Variants in LMNB1 observed in about 807,000 individuals in gnomAD.
The protein encoded by LMNB1 is lamin-B1.
LMNB1 carries 23 observed loss-of-function variants against 67.1 expected under a neutral mutation model. That is an observed-to-expected ratio of 0.34 (90% CI 0.25 to 0.49). The LOEUF (loss-of-function observed/expected upper bound fraction) is 0.49, where lower values mean the gene tolerates loss of function less well. Among genes scored for constraint, LMNB1 ranks in the 20% least tolerant of loss-of-function variants. The pLI, the probability that LMNB1 is intolerant of heterozygous loss-of-function variation, is 0.99. For synonymous variants in LMNB1, 281 were observed against 282.9 expected, an observed-to-expected ratio of 0.99 and a Z score of 0.07; for missense variants, 634 against 746.5, an observed-to-expected ratio of 0.85 and a Z score of 1.76.
chr5:126,823,502 T>G (rs1194001848), intron 8 of LMNB1, among the ~76,000 whole-genome samples: 1 of 152,228 alleles, frequency 6.6e-6, no homozygotes, highest in Non-Finnish European at 1.5e-5. Flanking sequence ...AATCAAAGAT[T>G]CTTTTGCTTT....
chr5:126,791,056 TAAATA>T (rs1424593678), intron 1 of LMNB1, among the ~76,000 whole-genome samples: 4 of 152,076 alleles, frequency 2.6e-5, no homozygotes, highest in African/African-American at 7.2e-5. Flanking sequence ...AACAAATAAA[TAAATA>T]AAATGAAGAC....
At chr5:126,806,812 C>T (rs1032455982) in intron 3 of LMNB1, among the ~76,000 whole-genome samples, 3 of 151,594 alleles carry the variant, frequency 2.0e-5, no homozygotes, top group Non-Finnish European at 2.9e-5. Flanking sequence ...GAGACCCGCT[C>T]TGTCGCCCAG....
Position 126,836,384 on chromosome 5 carries a change from C to A in LMNB1, c.*120C>A. 1.4e-6 allele frequency: 1 copy of A among 704,808 alleles called. No individual in the cohort carries two copies. Among genetic ancestry groups the A allele is most frequent in the Non-Finnish European group, 2.4e-6 (1 of 412,608 alleles). 43.7% of individuals were successfully genotyped at this position (704,808 alleles called of 1,614,324 possible). A position where few individuals can be genotyped will look rare whatever the true frequency, so the allele number is the denominator to read the frequency against. On this transcript the variant is annotated 3_prime_UTR_variant, in exon 11 of 11. Transcript: ENST00000261366. ...TTCCTTTATGTGAATTTTTAAGCTG[C>A]AAATCTGATGGCCTTAATTTCCTTT...
intron 1 of LMNB1, among the ~76,000 whole-genome samples, chr5:126,778,493 G>T (rs1227393289): frequency 1.3e-5 from 2 of 152,212 alleles, no homozygotes; most frequent in East Asian, 1.9e-4. Context: ...GCTTTAGGCG[G>T]GAGAGAGAGG....
intron 9 of LMNB1, among the ~76,000 whole-genome samples, chr5:126,828,905 C>T (rs568518607): frequency 6.6e-5 from 10 of 152,132 alleles, no homozygotes; most frequent in Admixed American, 3.3e-4. Context: ...CTTCAGCTTG[C>T]GAGGCTCTGT....
intron 1 of LMNB1, among the ~76,000 whole-genome samples, chr5:126,794,084 G>T (rs984978818): frequency 3.9e-5 from 6 of 151,980 alleles, no homozygotes; most frequent in Non-Finnish European, 5.9e-5. Flanking sequence ...ACAGGCATGA[G>T]CCACCACGCC....
intron 1 of LMNB1, among the ~76,000 whole-genome samples, chr5:126,786,416 C>A (rs368490772): frequency 6.6e-6 from 1 of 152,234 alleles, no homozygotes. Context: ...CCACCGTTCC[C>A]GGCCAGACAT....
chr5:126,832,602 A>C lies in LMNB1; in HGVS notation c.1612-92A>C, dbSNP rs540236320. ...GGTGTGAGCCACTGCGCCTGGCAAG[A>C]AATGCTGTCTCTTAAGCAAAGAAAA... On this transcript the variant is annotated intron_variant, in intron 9 of 10. Coordinates refer to ENST00000261366, the MANE Select transcript of LMNB1 (RefSeq NM_005573.4). 6,116 of 889,874 alleles carry C rather than the reference A, an allele frequency of 6.9e-3. 25 individuals are homozygous for C. Among genetic ancestry groups the C allele is most frequent in the Non-Finnish European group, 9.1e-3 (5,123 of 560,752 alleles). The allele number at this position is 889,874 out of a possible 1,614,324, so 55.1% of individuals were successfully genotyped here.
intron 1 of LMNB1, among the ~76,000 whole-genome samples, chr5:126,780,919 C>G (rs140989677): frequency 2.6e-5 from 4 of 152,132 alleles, no homozygotes; most frequent in African/African-American, 9.7e-5. Context: ...ATCATAATAT[C>G]TATCACATGA....
rs886059859 is a variant in LMNB1 at position 126,822,778 on chromosome 5, T to C, written c.1387-3T>C. The C allele has an allele frequency of 5.0e-6, 8 of 1,584,322 alleles. No homozygotes were observed. Among genetic ancestry groups the C allele is most frequent in the Non-Finnish European group, 6.9e-6 (8 of 1,153,556 alleles). On this transcript the variant is annotated splice_polypyrimidine_tract_variant and splice_region_variant and intron_variant, in intron 7 of 10. Coordinates refer to ENST00000261366, the MANE Select transcript of LMNB1 (RefSeq NM_005573.4). ...CACCCCTCACCCTCCTTTCTGTGTG[T>C]AGGATCAACCAATGGGAGGCTGGGA...
intron 1 of LMNB1, among the ~76,000 whole-genome samples, chr5:126,789,629 G>A (rs1349203421): frequency 2.6e-5 from 4 of 152,122 alleles, no homozygotes; most frequent in South Asian, 2.1e-4. Context: ...ATTCAGTCCC[G>A]TTTACTGTGA....
intron 1 of LMNB1, among the ~76,000 whole-genome samples, chr5:126,792,177 C>T (rs1481021164): frequency 1.4e-5 from 2 of 139,094 alleles, no homozygotes; most frequent in African/African-American, 2.7e-5. Context: ...GAGTCTTACT[C>T]TGTCACCCAG....
Position 126,836,387 on chromosome 5 carries a change from A to G in LMNB1, c.*123A>G. The G allele has an allele frequency of 1.5e-6, 1 of 687,758 alleles. No individual in the cohort carries two copies. The highest frequency in any genetic ancestry group is 2.6e-5 in the East Asian group (1 of 37,962). 42.6% of individuals were successfully genotyped at this position (687,758 alleles called of 1,614,324 possible). ...CTTTATGTGAATTTTTAAGCTGCAA[A>G]TCTGATGGCCTTAATTTCCTTTTTG... On this transcript the variant is annotated 3_prime_UTR_variant, in exon 11 of 11. Coordinates refer to ENST00000261366, the MANE Select transcript of LMNB1 (RefSeq NM_005573.4).
At chr5:126,806,448 C>T (rs1305865734) in intron 3 of LMNB1, among the ~76,000 whole-genome samples, 1 of 152,156 alleles carries the variant, frequency 6.6e-6, no homozygotes, top group Admixed American at 6.6e-5. Flanking sequence ...GTTTCTTGGT[C>T]CCATGAGGTT....
At position 126,777,274 on chromosome 5, in the gene LMNB1, G is replaced by A. The variant is rs1750480470; in HGVS notation, c.-235G>A. Reference sequence around the variant, plus strand: ...GTGGGTGTGTGTGTTTTCTTACAAAGGGTATTTCGCGATCGATCGATTGAT... The same window carrying A: ...GTGGGTGTGTGTGTTTTCTTACAAAAGGTATTTCGCGATCGATCGATTGAT... On this transcript the variant is annotated 5_prime_UTR_variant, in exon 1 of 11. Coordinates refer to ENST00000261366, the MANE Select transcript of LMNB1 (RefSeq NM_005573.4). 2.7e-6 allele frequency: 1 copy of A among 376,508 alleles called. No homozygotes were observed. The highest frequency in any genetic ancestry group is 4.7e-6 in the Non-Finnish European group (1 of 214,610). 23.3% of individuals were successfully genotyped at this position (376,508 alleles called of 1,614,324 possible). A position where few individuals can be genotyped will look rare whatever the true frequency, so the allele number is the denominator to read the frequency against.
At chr5:126,782,216 A>G (rs1169610897) in intron 1 of LMNB1, among the ~76,000 whole-genome samples, 1 of 152,156 alleles carries the variant, frequency 6.6e-6, no homozygotes, top group African/African-American at 2.4e-5. Context: ...TCAGACATTT[A>G]TTTTCCTTCA....
chr5:126,811,902 A>G lies in LMNB1; in HGVS notation c.939+4A>G. 6.2e-7 allele frequency: 1 copy of G among 1,605,932 alleles called. No individual in the cohort carries two copies. The highest frequency in any genetic ancestry group is 8.5e-7 in the Non-Finnish European group (1 of 1,173,432). On this transcript the variant is annotated splice_donor_region_variant and intron_variant, in intron 5 of 10. Transcript: ENST00000261366. ...GCTTTCTAATCTACAGAAAGAGGTAAATAATCATCTTTCTGTAAGAAGTTA... is the reference window on the plus strand; with the variant it reads ...GCTTTCTAATCTACAGAAAGAGGTAGATAATCATCTTTCTGTAAGAAGTTA...
At chr5:126,794,070 G>A (rs1751030611) in intron 1 of LMNB1, among the ~76,000 whole-genome samples, 1 of 151,956 alleles carries the variant, frequency 6.6e-6, no homozygotes. Flanking sequence ...GAGTAGCTGG[G>A]ATTACAGGCA....
chr5:126,819,265 C>T, intron 6 of LMNB1, 123 bp downstream of exon 6: 1 of 649,878 alleles, frequency 1.5e-6, no homozygotes, highest in Non-Finnish European at 2.6e-6. Flanking sequence ...CTTTGAACAC[C>T]TAGGTATAGA....
Sources: allele counts gnomAD v4.1 joint callset (sites outside exome capture counted in the v4.1 genomes callset), GRCh38; gene constraint gnomAD v4.1.1; transcripts MANE v1.5; gene names NCBI Gene and HGNC (gene_info 2026-07-23, HGNC 2026-07-21).